USH2A: variants seen among roughly 807,000 people sequenced by gnomAD.
USH2A encodes the protein Usher syndrome 2A (autosomal recessive, mild).
A neutral mutation model predicts 538.9 loss-of-function variants in USH2A; 443 were observed. The ratio of observed to expected loss-of-function variants is 0.82; its 90% CI spans 0.76 to 0.89. The LOEUF (loss-of-function observed/expected upper bound fraction) is 0.89. Ranked by LOEUF, USH2A falls within the 40% of genes least tolerant of loss-of-function variation. The pLI, the probability that USH2A is intolerant of heterozygous loss-of-function variation, is 0.00. For missense variants in USH2A, 6,633 were observed against 6,324.8 expected (o/e 1.05, Z -1.65); for synonymous variants, 2,413 against 2,273.5 (o/e 1.06, Z -1.75).
intron 60 of USH2A, among the ~76,000 whole-genome samples, chr1:215,732,366 T>C (rs956719654): frequency 2.6e-5 from 4 of 152,108 alleles, no homozygotes; most frequent in Admixed American, 2.0e-4. Flanking sequence ...AATCTGCTGA[T>C]TCTCAAAAGG....
At position 216,272,927 on chromosome 1, in the gene USH2A, C is replaced by T. The variant is rs146013921; in HGVS notation, c.1971+16353G>A. Among the ~76,000 whole-genome samples, 584 of 152,182 alleles carry T rather than the reference C, an allele frequency of 3.8e-3. 5 individuals are homozygous for T. The highest frequency in any genetic ancestry group is 0.011 in the African/African-American group (451 of 41,534). On this transcript the variant is annotated intron_variant, in intron 11 of 71. Transcript: ENST00000307340. ...AAGTCAAAAGAGACTCCAGGGGAAT[C>T]AGGATCAATGGTTATGTGGCCACAG...
At chr1:215,854,763 T>C (rs1156559252) in intron 44 of USH2A, among the ~76,000 whole-genome samples, 1 of 152,218 alleles carries the variant, frequency 6.6e-6, no homozygotes, top group Non-Finnish European at 1.5e-5. Context: ...AATAACCTGG[T>C]CACCCCATCC....
intron 38 of USH2A, among the ~76,000 whole-genome samples, chr1:215,907,722 T>C (rs1375552522): frequency 6.6e-6 from 1 of 152,054 alleles, no homozygotes; most frequent in Non-Finnish European, 1.5e-5. Context: ...TATTTTCTAA[T>C]GTATACATAG....
intron 19 of USH2A, 138 bp from the exon 20 acceptor site, chr1:216,190,505 T>C: frequency 8.2e-7 from 1 of 1,214,016 alleles, no homozygotes; most frequent in Non-Finnish European, 1.1e-6. Context: ...AGGGTTTTTT[T>C]TTTTTTTTCT....
At chr1:215,856,220 A>T (rs554322153) in intron 44 of USH2A, among the ~76,000 whole-genome samples, 1 of 152,358 alleles carries the variant, frequency 6.6e-6, no homozygotes, top group African/African-American at 2.4e-5. Context: ...TCTGCACAGC[A>T]AAAGAAATAA....
chr1:215,945,935 G>GAA (rs1454311791), intron 37 of USH2A, among the ~76,000 whole-genome samples: 1 of 152,148 alleles, frequency 6.6e-6, no homozygotes, highest in African/African-American at 2.4e-5. Context: ...TGAGTGTAAT[G>GAA]AATTGGTACT....
intron 37 of USH2A, among the ~76,000 whole-genome samples, chr1:215,937,017 C>G (rs551600037): frequency 6.6e-5 from 10 of 152,106 alleles, no homozygotes; most frequent in African/African-American, 2.4e-4. Flanking sequence ...ACTGAAAAAT[C>G]TACTGTTACA....
chr1:216,084,654 A>C, intron 25 of USH2A, 44 bp downstream of exon 25: 1 of 1,599,072 alleles, frequency 6.3e-7, no homozygotes, highest in Non-Finnish European at 8.5e-7. Context: ...AAAGGATAGA[A>C]CATAGATTTT....
chr1:216,049,793 G>T (rs549616840), intron 30 of USH2A, among the ~76,000 whole-genome samples: 1 of 152,136 alleles, frequency 6.6e-6, no homozygotes, highest in African/African-American at 2.4e-5. Flanking sequence ...CCTCCCACTT[G>T]CCCTTAGTTC....
In USH2A at chr1:215,900,934, A is replaced by G. The variant is rs531384953; in HGVS notation, c.7301-29T>C. On this transcript the variant is annotated intron_variant, in intron 38 of 71. Transcript: ENST00000307340. Reference sequence around the variant, plus strand: ...TCGAAAAACACAGATGAATTAGAGCAGAGAAAACTGTGGAGAACATATGCT... The same window carrying G: ...TCGAAAAACACAGATGAATTAGAGCGGAGAAAACTGTGGAGAACATATGCT... 20 of 1,612,692 alleles carry G rather than the reference A, an allele frequency of 1.2e-5. 1 individual carries two copies. The South Asian group carries it at 2.1e-4, about 17-fold the overall frequency.
chr1:215,963,139 T>C (rs1667242505), intron 37 of USH2A, among the ~76,000 whole-genome samples: 1 of 152,124 alleles, frequency 6.6e-6, no homozygotes, highest in African/African-American at 2.4e-5. Context: ...AATAACCAAT[T>C]AGCCATTAGA....
chr1:215,916,143 A>G (rs1442211324), intron 38 of USH2A, among the ~76,000 whole-genome samples: 1 of 151,896 alleles, frequency 6.6e-6, no homozygotes, highest in Admixed American at 6.6e-5. Context: ...CATGTGTAAC[A>G]AACCTGCACA....
intron 3 of USH2A, among the ~76,000 whole-genome samples, chr1:216,402,979 A>T (rs977432926): frequency 3.3e-5 from 5 of 152,180 alleles, no homozygotes; most frequent in African/African-American, 9.6e-5. Flanking sequence ...AAGAGGAAGG[A>T]TCTTAAAACA....
intron 21 of USH2A, among the ~76,000 whole-genome samples, chr1:216,165,311 G>A (rs1008461704): frequency 6.6e-6 from 1 of 152,128 alleles, no homozygotes; most frequent in Non-Finnish European, 1.5e-5. Context: ...AGGAGATCAT[G>A]TATCTAAGAG....
intron 4 of USH2A, among the ~76,000 whole-genome samples, chr1:216,345,743 C>T (rs943698250): frequency 6.6e-6 from 1 of 152,112 alleles, no homozygotes; most frequent in African/African-American, 2.4e-5. Flanking sequence ...CATAAGCCTA[C>T]TGTTCAAGAC....
chr1:215,956,057 C>T (rs1012682404), intron 37 of USH2A, among the ~76,000 whole-genome samples: 1 of 152,060 alleles, frequency 6.6e-6, no homozygotes, highest in East Asian at 1.9e-4. Context: ...CTGTGTAATC[C>T]ATTCTTCTGT....
chr1:216,312,397 CTCTTCT>C (rs141331350), intron 9 of USH2A, among the ~76,000 whole-genome samples: 4 of 151,808 alleles, frequency 2.6e-5, no homozygotes, highest in African/African-American at 7.3e-5. Context: ...CTGTTCCTTT[CTCTTCT>C]TCTTCTTCTT....
At position 215,820,244 on chromosome 1, in the gene USH2A, CAT is replaced by C. The variant is rs563415252; in HGVS notation, c.9372-3051_9372-3050del. On this transcript the variant is annotated intron_variant, in intron 47 of 71. Transcript: ENST00000307340. ...TGATAAAAGTCACCATGTCTACACACATTTTTTTCTCTCTCAAATGTTTGGGT... is the reference window on the plus strand; with the variant it reads ...TGATAAAAGTCACCATGTCTACACACTTTTTTCTCTCTCAAATGTTTGGGT... 4.8e-3 allele frequency among the ~76,000 whole-genome samples: 723 copies of C among 151,448 alleles called. 4 individuals are homozygous for C. Among genetic ancestry groups the C allele is most frequent in the Middle Eastern group, 0.024 (7 of 294 alleles).
chr1:215,643,209 G>A (rs1400736800), intron 67 of USH2A, among the ~76,000 whole-genome samples: 2 of 151,972 alleles, frequency 1.3e-5, no homozygotes, highest in African/African-American at 4.8e-5. Context: ...TGCTGGCCAG[G>A]CTCGTCTCAA....
Sources: allele counts gnomAD v4.1 joint callset (sites outside exome capture counted in the v4.1 genomes callset), GRCh38; gene constraint gnomAD v4.1.1; transcripts MANE v1.5; gene names NCBI Gene and HGNC (gene_info 2026-07-23, HGNC 2026-07-21).